H2BC12: variants seen among roughly 807,000 people sequenced by gnomAD.
H2BC12 encodes H2B clustered histone 12.
A neutral mutation model predicts 6.3 loss-of-function variants in H2BC12; 6 were observed. The ratio of observed to expected loss-of-function variants is 0.95; its 90% confidence interval spans 0.52 to 1.87. H2BC12 has a LOEUF of 1.87. H2BC12 is among the 40% of genes most tolerant of loss of function. The probability of loss-of-function intolerance (pLI) is 0.01; values close to 1 mark genes in which losing one functional copy is unlikely to be tolerated. For synonymous variants in H2BC12, 132 were observed against 78.5 expected (o/e 1.68, Z -3.60); for missense variants, 119 against 178.4 (o/e 0.67, Z 1.90).
At position 27,146,576 on chromosome 6, in the gene H2BC12, C is replaced by T; in HGVS notation, c.223G>A (p.Ala75Thr). Residue 75 changes from alanine to threonine, a missense_variant, in exon 1 of 1, where the codon GCG (alanine) becomes ACG (threonine). By Grantham distance (58) the Ala-to-Thr change is moderately conservative (BLOSUM62 0). Transcript: ENST00000356950. Reference protein sequence around the residue: ...SFVNDIFERIAGEASRLAHYN... With the variant: ...SFVNDIFERITGEASRLAHYN... ...TGCGCCAGGCGGGAAGCCTCACCCG[C>T]GATGCGTTCGAAGATGTCGTTGACG... The T allele has an allele frequency of 1.9e-6, 3 of 1,614,224 alleles. No homozygotes were observed. In the South Asian group the frequency reaches 3.3e-5, roughly 18 times the overall value.
At position 27,146,768 on chromosome 6, in the gene H2BC12, G is replaced by C; in HGVS notation, c.31C>G (p.Pro11Ala). The C allele has an allele frequency of 6.2e-7, 1 of 1,614,220 alleles. No individual in the cohort carries two copies. The highest frequency in any genetic ancestry group is 2.2e-5 in the East Asian group (1 of 44,890). ...ACGGCTTTCTTCGAGCCCTTCTTGG[G>C]CGCGGGAGCGGACTTCGCTGGTTCC... Reference protein sequence around the residue: MPEPAKSAPAPKKGSKKAVTK... With the variant: MPEPAKSAPAAKKGSKKAVTK... Residue 11 changes from proline to alanine, a missense_variant, in exon 1 of 1, where the codon CCC (proline) becomes GCC (alanine). Around this residue, in one of 2 missense-constraint regions of H2BC12, gnomAD observed 50 missense variants for 37.4 expected, o/e 1.34. Transcript: ENST00000356950.
downstream of H2BC12, among the ~76,000 whole-genome samples, chr6:27,144,368 A>G (rs1760042997): frequency 6.9e-6 from 1 of 144,854 alleles, no homozygotes; most frequent in Non-Finnish European, 1.5e-5. Context: ...AAACTGAGGC[A>G]AGATAATCGC....
chr6:27,142,675 C>T (rs888177380), downstream of H2BC12, among the ~76,000 whole-genome samples: 6 of 120,856 alleles, frequency 5.0e-5, no homozygotes, highest in African/African-American at 1.7e-4. Context: ...CTCGCTCTGT[C>T]GCCCAGGTTC....
downstream of H2BC12, among the ~76,000 whole-genome samples, chr6:27,146,105 G>T (rs1055122535): frequency 1.9e-4 from 29 of 152,146 alleles, no homozygotes; most frequent in African/African-American, 6.5e-4. Context: ...CGACACAACG[G>T]AAGTATCCAT....
In H2BC12 at chr6:27,146,494, A is replaced by AGCAGGCGCACG. The variant is rs1432407841; in HGVS notation, c.294_304dup (p.Leu102ProfsTer34). 6.2e-7 allele frequency: 1 copy of AGCAGGCGCACG among 1,614,256 alleles called. No individual in the cohort carries two copies. Among genetic ancestry groups the AGCAGGCGCACG allele is most frequent in the Non-Finnish European group, 8.5e-7 (1 of 1,180,054 alleles). Reference sequence around the variant, plus strand: ...GTGCTTGGCCAACTCCCCGGGCAGCAGCAGGCGCACGGCCGTCTGGATCTC... The same window carrying AGCAGGCGCACG: ...GTGCTTGGCCAACTCCCCGGGCAGCAGCAGGCGCACGGCAGGCGCACGGCCGTCTGGATCTC... On this transcript the variant is annotated frameshift_variant, in exon 1 of 1. Coordinates refer to ENST00000356950, the MANE Select transcript of H2BC12 (RefSeq NM_001312653.2). LOFTEE classifies it high-confidence loss of function.
the H2BC12 span, among the ~76,000 whole-genome samples, chr6:27,140,963 A>AT: frequency 1.3e-5 from 2 of 151,066 alleles, no homozygotes; most frequent in African/African-American, 4.9e-5. Flanking sequence ...TTGGATTTAT[A>AT]TTTTTTATAG....
At chr6:27,138,578 GTCT>G in the H2BC12 span, 4 of 152,172 alleles carry the variant, frequency 2.6e-5, no homozygotes, top group African/African-American at 4.8e-5. Context: ...TTGCATTCTC[GTCT>G]TCTTTTCTGC....
chr6:27,142,522 C>T (rs753971117), downstream of H2BC12, among the ~76,000 whole-genome samples: 96 of 152,170 alleles, frequency 6.3e-4, 2 homozygotes, highest in Middle Eastern at 3.4e-3. Context: ...CCTCGGCCTC[C>T]CAAAGTGCCG....
At position 27,146,832 on chromosome 6, in the gene H2BC12, C is replaced by T. The variant is rs775118699; in HGVS notation, c.-34G>A. On this transcript the variant is annotated 5_prime_UTR_variant, in exon 1 of 1. Transcript: ENST00000356950. ...CGAACTACGAGCCTGAGACGAGCAG[C>T]AGATCGAGAAAACGGGAAGTAATGG... 12 of 1,604,788 alleles carry T rather than the reference C, an allele frequency of 7.5e-6. No individual in the cohort carries two copies. Among genetic ancestry groups the T allele is most frequent in the African/African-American group, 1.3e-5 (1 of 74,342 alleles).
the H2BC12 span, chr6:27,139,776 A>G: frequency 1.6e-6 from 2 of 1,266,082 alleles, no homozygotes; most frequent in Non-Finnish European, 2.1e-6. Flanking sequence ...CTCGACGCCG[A>G]AAATGGGCTG....
chr6:27,146,789 G>C lies in H2BC12; in HGVS notation c.10C>G (p.Pro4Ala). 6.2e-7 allele frequency: 1 copy of C among 1,613,948 alleles called. No individual in the cohort carries two copies. The highest frequency in any genetic ancestry group is 8.5e-7 in the Non-Finnish European group (1 of 1,179,932). Residue 4 changes from proline to alanine, a missense_variant, in exon 1 of 1, where the codon CCA (proline) becomes GCA (alanine). Pro to Ala is a conservative substitution (Grantham distance 27). Around this residue, in one of 2 missense-constraint regions of H2BC12, gnomAD observed 50 missense variants for 37.4 expected, o/e 1.34. Transcript: ENST00000356950. Reference protein sequence around the residue: MPEPAKSAPAPKKG... With the variant: MPEAAKSAPAPKKG... ...TTGGGCGCGGGAGCGGACTTCGCTGGTTCCGGCATGTTGAAGGCGAACTAC... is the reference window on the plus strand; with the variant it reads ...TTGGGCGCGGGAGCGGACTTCGCTGCTTCCGGCATGTTGAAGGCGAACTAC...
downstream of H2BC12, among the ~76,000 whole-genome samples, chr6:27,144,475 G>A (rs1019325808): frequency 9.6e-6 from 1 of 103,826 alleles, no homozygotes; most frequent in Non-Finnish European, 2.0e-5. Context: ...GGGGGGGGGG[G>A]GGCGGAATCT....
chr6:27,146,353 C>A (rs1249123335), downstream of H2BC12: 3 of 1,607,312 alleles, frequency 1.9e-6, no homozygotes, highest in Non-Finnish European at 2.5e-6. Flanking sequence ...GCTCTAATAT[C>A]GATAATTTAA....
In H2BC12 at chr6:27,146,411, G is replaced by A. The variant is rs373212385; in HGVS notation, c.*7C>T. On this transcript the variant is annotated 3_prime_UTR_variant, in exon 1 of 1. Coordinates refer to ENST00000356950, the MANE Select transcript of H2BC12 (RefSeq NM_001312653.2). ...GGGTTGGGCTTTAAGACGCTTACTT[G>A]GCAAGTTTACTTAGCGCTGGTGTAC... The A allele has an allele frequency of 6.0e-5, 97 of 1,614,202 alleles. No individual in the cohort carries two copies. The highest frequency in any genetic ancestry group is 1.6e-4 in the Middle Eastern group (1 of 6,062).
chr6:27,146,557 A>G lies in H2BC12; in HGVS notation c.242T>C (p.Leu81Pro). 6.2e-7 allele frequency: 1 copy of G among 1,614,260 alleles called. No homozygotes were observed. The highest frequency in any genetic ancestry group is 8.5e-7 in the Non-Finnish European group (1 of 1,180,052). ...GGTCGAGCGCTTGTTGTAATGCGCC[A>G]GGCGGGAAGCCTCACCCGCGATGCG... ...FERIAGEASR[L>P]AHYNKRSTIT... Residue 81 changes from leucine (L) to proline (P), a missense_variant, in exon 1 of 1, where the codon CTG becomes CCG. By Grantham distance (98) the Leu-to-Pro change is moderately conservative. This residue lies in a region of H2BC12 where 69 missense variants were observed against 141.0 expected (regional missense o/e 0.49). Transcript: ENST00000356950.
At chr6:27,142,599 G>C (rs1340922822), downstream of H2BC12, among the ~76,000 whole-genome samples, 1 of 144,804 alleles carries the variant, frequency 6.9e-6, no homozygotes, top group Non-Finnish European at 1.5e-5. Flanking sequence ...TTACTGGAAA[G>C]ATAAGTACAT....
chr6:27,144,404 G>C (rs1411068210), downstream of H2BC12, among the ~76,000 whole-genome samples: 1 of 140,368 alleles, frequency 7.1e-6, no homozygotes, highest in African/African-American at 2.6e-5. Flanking sequence ...GGAGGTTGCA[G>C]TGAGCCAAGA....
the H2BC12 span, among the ~76,000 whole-genome samples, chr6:27,140,725 G>A: frequency 1.6e-4 from 24 of 152,084 alleles, no homozygotes; most frequent in Non-Finnish European, 3.2e-4. Flanking sequence ...ATGTGAAATC[G>A]GAGTTTTTCT....
At chr6:27,139,504 G>C in the H2BC12 span, 6 of 1,613,794 alleles carry the variant, frequency 3.7e-6, no homozygotes, top group Non-Finnish European at 5.1e-6. Context: ...CCTGGAGAAC[G>C]TGATCCGGGA....
Sources: gnomAD v4.1 joint callset for allele counts (sites outside exome capture counted in the v4.1 genomes callset) on GRCh38, gnomAD v4.1.1 for gene constraint, gnomAD v4.1.1 regional missense constraint, MANE v1.5 for transcripts, NCBI Gene and HGNC (gene_info 2026-07-23, HGNC 2026-07-21) for gene names.